Variants in SBNO2 observed in about 807,000 individuals in gnomAD.
SBNO2 encodes the protein protein strawberry notch homolog 2.
Under a neutral mutation model 146.3 loss-of-function variants are expected in SBNO2, and 89 were observed. The observed-to-expected ratio is 0.61, with a 90% CI of 0.51 to 0.73. The LOEUF is 0.73. SBNO2 is among the 30% of genes least tolerant of loss of function. The probability of loss-of-function intolerance (pLI) is 0.00; values close to 1 mark genes in which losing one functional copy is unlikely to be tolerated. For synonymous variants in SBNO2, 1,147 were observed against 892.6 expected (o/e 1.29, Z -5.08); for missense variants, 2,092 against 2,003.7 (o/e 1.04, Z -0.84).
At chr19:1,171,953 G>A (rs1298637705) in intron 1 of SBNO2, among the ~76,000 whole-genome samples, 1 of 152,162 alleles carries the variant, frequency 6.6e-6, no homozygotes, top group Non-Finnish European at 1.5e-5. Flanking sequence ...TGAACGGAGA[G>A]GCCAGACCCC....
At position 1,127,678 on chromosome 19, in the gene SBNO2, A is replaced by C; in HGVS notation, c.367T>G (p.Phe123Val). The C allele has an allele frequency of 3.7e-6, 6 of 1,613,606 alleles. No individual in the cohort carries two copies. The highest frequency in any genetic ancestry group is 5.1e-6 in the Non-Finnish European group (6 of 1,179,864). Residue 123 changes from phenylalanine to valine, a missense_variant, in exon 5 of 32, where the codon TTC (phenylalanine) becomes GTC (valine). Physicochemically the swap from Phe to Val is conservative, Grantham distance 50 (BLOSUM62 -1). Coordinates refer to ENST00000361757, the MANE Select transcript of SBNO2 (RefSeq NM_014963.3). ...SLSDIVDTPD[F>V]LPADSLNQVS... ...TGGTTGAGGCTGTCAGCCGGCAGGA[A>C]GTCGGGCGTGTCCACGATGTCCGAC... is the stretch of plus-strand genomic sequence containing the variant.
At chr19:1,161,008 A>G (rs2080338043) in intron 1 of SBNO2, among the ~76,000 whole-genome samples, 1 of 145,774 alleles carries the variant, frequency 6.9e-6, no homozygotes, top group African/African-American at 2.6e-5. Context: ...GGTGCTTCCC[A>G]GAAAGCTCAG....
Position 1,111,361 on chromosome 19 carries a change from G to A in SBNO2, c.2809+145C>T. 6.9e-6 allele frequency: 5 copies of A among 723,382 alleles called. 1 individual carries two copies. In the South Asian group the frequency reaches 9.2e-5, roughly 13 times the overall value. The allele number at this position is 723,382 out of a possible 1,614,324, so 44.8% of individuals were successfully genotyped here. On this transcript the variant is annotated intron_variant, in intron 24 of 31. Transcript: ENST00000361757. ...GCTGGGGGCCGCCTTGGCTCCCTTT[G>A]CCTTCACAGCCCTCTCTGTCCGTGT...
intron 4 of SBNO2, among the ~76,000 whole-genome samples, chr19:1,139,918 C>T (rs1016990985): frequency 4.6e-5 from 7 of 152,130 alleles, no homozygotes; most frequent in African/African-American, 1.7e-4. Context: ...CATTGCACTC[C>T]AGCTTAGACA....
intron 10 of SBNO2, 24 bp downstream of exon 10, chr19:1,122,441 CCCT>C: frequency 6.4e-7 from 1 of 1,556,662 alleles, no homozygotes; most frequent in South Asian, 1.2e-5. Flanking sequence ...CCACCTTGCC[CCCT>C]ACTTTGCCGA....
At chr19:1,160,514 A>G (rs1247987540) in intron 1 of SBNO2, among the ~76,000 whole-genome samples, 5 of 152,106 alleles carry the variant, frequency 3.3e-5, no homozygotes, top group Non-Finnish European at 7.4e-5. Flanking sequence ...GAACAGAGGC[A>G]GCTGGCTGGA....
intron 16 of SBNO2, 128 bp from the exon 17 acceptor site, chr19:1,116,231 T>A (rs2079830680): frequency 2.6e-6 from 2 of 770,476 alleles, no homozygotes; most frequent in East Asian, 2.7e-5. Flanking sequence ...GGGCAGAGGG[T>A]CTCCTGTGTG....
chr19:1,161,849 G>A (rs1318269843), intron 1 of SBNO2, among the ~76,000 whole-genome samples: 2 of 149,534 alleles, frequency 1.3e-5, no homozygotes, highest in Non-Finnish European at 3.0e-5. Flanking sequence ...AGAGTCGTCA[G>A]TCAGGCGGCA....
In SBNO2 at chr19:1,108,539, T is replaced by A; in HGVS notation, c.3782A>T (p.Tyr1261Phe). ...CGGGAAGGCCTCGGCCGGGGGGCTG[T>A]AGGTGAGGTCCAGCACCTCTCCGGG... Reference protein sequence around the residue: ...CGPGEVLDLTYSPPAEAFPPP... With the variant: ...CGPGEVLDLTFSPPAEAFPPP... Residue 1261 changes from tyrosine (Y) to phenylalanine (F), a missense_variant, in exon 32 of 32, where the codon TAC becomes TTC. Coordinates refer to ENST00000361757, the MANE Select transcript of SBNO2 (RefSeq NM_014963.3). The A allele has an allele frequency of 8.2e-7, 1 of 1,221,638 alleles. No homozygotes were observed. The highest frequency in any genetic ancestry group is 1.0e-6 in the Non-Finnish European group (1 of 979,534). The allele number at this position is 1,221,638 out of a possible 1,614,324, so 75.7% of individuals were successfully genotyped here.
chr19:1,122,762 C>G lies in SBNO2; in HGVS notation c.810G>C (p.Gln270His). 6.5e-7 allele frequency: 1 copy of G among 1,537,764 alleles called. No homozygotes were observed. Among genetic ancestry groups the G allele is most frequent in the Non-Finnish European group, 8.7e-7 (1 of 1,146,530 alleles). Residue 270 changes from glutamine (Q) to histidine (H), a missense_variant, in exon 9 of 32, where the codon CAG becomes CAC. Physicochemically the swap from Gln to His is conservative, Grantham distance 24. Transcript: ENST00000361757. ...QQHEVLLPSG[Q>H]RAGFLIGDGA... ...CATCGCCGATGAGAAAGCCCGCGCG[C>G]TGCCCGCTGGGGAGCAGGACCTCGT... is the stretch of plus-strand genomic sequence containing the variant.
Position 1,109,187 on chromosome 19 carries a change from G to A in SBNO2, c.3373C>T (p.Pro1125Ser), listed in dbSNP as rs1265914900. 10 of 1,562,958 alleles carry A rather than the reference G, an allele frequency of 6.4e-6. No individual in the cohort carries two copies. Among genetic ancestry groups the A allele is most frequent in the South Asian group, 2.3e-5 (2 of 85,144 alleles). Residue 1125 changes from proline (P) to serine (S), a missense_variant, in exon 30 of 32, where the codon CCC (proline) becomes TCC (serine). By Grantham distance (74) the Pro-to-Ser change is moderately conservative. Transcript: ENST00000361757. The surrounding 1 kb of genome is among the most constrained non-coding windows in gnomAD (Gnocchi z 4.2). ...GACAAAGCGTAGCCACTCTCCCAGG[G>A]CTCCTTGGCCTCCTCCGCGGTGACC... ...HRVTAEEAKE[P>S]WESGYALSLT...
At chr19:1,164,489 AG>A (rs1368683255) in intron 1 of SBNO2, among the ~76,000 whole-genome samples, 1 of 4,640 alleles carries the variant, frequency 2.2e-4, no homozygotes, top group African/African-American at 9.6e-4. Context: ...CCCAGATGCC[AG>A]GGGCAGTGGA....
rs2079910024 is a variant in SBNO2 at position 1,122,280 on chromosome 19, G to T, written c.1008C>A (p.Ile336=). 1 of 1,560,506 alleles carries T rather than the reference G, an allele frequency of 6.4e-7. No individual in the cohort carries two copies. The highest frequency in any genetic ancestry group is 8.7e-7 in the Non-Finnish European group (1 of 1,152,102). Residue 336 remains isoleucine (I), a splice_region_variant and synonymous_variant, in exon 11 of 32, where the codon ATC becomes ATA. Coordinates refer to ENST00000361757, the MANE Select transcript of SBNO2 (RefSeq NM_014963.3). Reference sequence around the variant, plus strand: ...CTGAGGTAGTGGTGTCACCGTACTTGATCTGGGGATGCACAGAACAGGTGT... The same window carrying T: ...CTGAGGTAGTGGTGTCACCGTACTTTATCTGGGGATGCACAGAACAGGTGT... The part of the protein sequence containing the change: ...TGIAVHALSK[I]KYGDTTTSEG...
chr19:1,152,954 A>G (rs1391015754), intron 2 of SBNO2, among the ~76,000 whole-genome samples: 1 of 151,980 alleles, frequency 6.6e-6, no homozygotes, highest in African/African-American at 2.4e-5. Flanking sequence ...GGAGTTTGAG[A>G]CCAGCGTGTC....
In SBNO2 at chr19:1,112,553, G is replaced by A. The variant is rs369735872; in HGVS notation, c.2380-16C>T. 8 of 1,589,442 alleles carry A rather than the reference G, an allele frequency of 5.0e-6. No individual in the cohort carries two copies. Among genetic ancestry groups the A allele is most frequent in the Non-Finnish European group, 6.8e-6 (8 of 1,173,486 alleles). ...TGGCCACGAGCTAGGGGGAAAGAAG[G>A]GGCCGGGACACGGTTGGTGCAAGGC... On this transcript the variant is annotated splice_polypyrimidine_tract_variant and intron_variant, in intron 20 of 31. Coordinates refer to ENST00000361757, the MANE Select transcript of SBNO2 (RefSeq NM_014963.3). The surrounding 1 kb of genome is among the most constrained non-coding windows in gnomAD (Gnocchi z 5.9).
Position 1,112,117 on chromosome 19 carries a change from A to G in SBNO2, c.2629-50T>C, listed in dbSNP as rs2079770030. On this transcript the variant is annotated intron_variant, in intron 22 of 31. Coordinates refer to ENST00000361757, the MANE Select transcript of SBNO2 (RefSeq NM_014963.3). The surrounding 1 kb of genome is among the most constrained non-coding windows in gnomAD (Gnocchi z 5.9). ...GTTGGTCACCTGGGGTCTGGCCTCT[A>G]GCACCCCACAAAGCTTTGGAGAGCC... is the stretch of plus-strand genomic sequence containing the variant. The G allele has an allele frequency of 6.2e-7, 1 of 1,606,980 alleles. No homozygotes were observed. The highest frequency in any genetic ancestry group is 8.5e-7 in the Non-Finnish European group (1 of 1,176,582).
intron 13 of SBNO2, 29 bp downstream of exon 13, chr19:1,119,487 C>T (rs1399318522): frequency 2.0e-6 from 3 of 1,491,646 alleles, no homozygotes; most frequent in Non-Finnish European, 2.8e-6. Context: ...CCCCCGCCGC[C>T]CCTCCACGTG....
intron 1 of SBNO2, among the ~76,000 whole-genome samples, chr19:1,172,825 C>T (rs1361979671): frequency 6.9e-6 from 1 of 144,032 alleles, no homozygotes; most frequent in Non-Finnish European, 1.5e-5. Flanking sequence ...CACAGGCCAG[C>T]TCCGAGGCCG....
rs550500836 is a variant in SBNO2 at position 1,173,809 on chromosome 19, G to T, written c.-127+363C>A. On this transcript the variant is annotated intron_variant, in intron 1 of 31. Coordinates refer to ENST00000361757, the MANE Select transcript of SBNO2 (RefSeq NM_014963.3). This position sits in a 1 kb window ranked among gnomAD's most constrained non-coding sequence, Gnocchi z 4.7. ...AGGGTTACCAGAAAACGAAAGGTCG[G>T]GGGTCACCAAGCTGCGCGGTACAGG... 1.3e-5 allele frequency: 2 copies of T among 152,388 alleles called. No individual in the cohort carries two copies. The highest frequency in any genetic ancestry group is 4.8e-5 in the African/African-American group (2 of 41,412). The allele number at this position is 152,388 out of a possible 1,614,324, so 9.4% of individuals were successfully genotyped here.
Sources: allele counts gnomAD v4.1 joint callset (sites outside exome capture counted in the v4.1 genomes callset), GRCh38; gene constraint gnomAD v4.1.1; non-coding constraint Gnocchi (gnomAD v3.1); transcripts MANE v1.5; gene names NCBI Gene and HGNC (gene_info 2026-07-23, HGNC 2026-07-21).